The following SETBP1 variants were observed in gnomAD, a reference collection of about 807,000 sequenced individuals.
The protein encoded by SETBP1 is SET binding protein 1.
SETBP1 carries 9 observed loss-of-function variants against 101.0 expected under a neutral mutation model. That is an observed-to-expected ratio of 0.09 (90% CI 0.05 to 0.16). SETBP1 has a LOEUF of 0.16. Ranked by LOEUF, SETBP1 falls within the 10% of genes least tolerant of loss-of-function variation. The pLI is 1.00. For missense variants in SETBP1, 1,858 were observed against 2,033.8 expected (o/e 0.91, Z 1.66); for synonymous variants, 818 against 788.5 (o/e 1.04, Z -0.63).
chr18:44,841,449 C>G (rs941580790), intron 2 of SETBP1, among the ~76,000 whole-genome samples: 1 of 152,170 alleles, frequency 6.6e-6, no homozygotes, highest in Non-Finnish European at 1.5e-5. Flanking sequence ...AGACATGAGT[C>G]ACTAAAGCCA....
chr18:44,937,817 T>TGG (rs1267481667), intron 3 of SETBP1, among the ~76,000 whole-genome samples: 1 of 152,190 alleles, frequency 6.6e-6, no homozygotes, highest in Non-Finnish European at 1.5e-5. Flanking sequence ...TGAGCAGTGC[T>TGG]GGGTTCCAAT....
At chr18:44,924,560 G>A (rs1178643671) in intron 3 of SETBP1, among the ~76,000 whole-genome samples, 1 of 152,154 alleles carries the variant, frequency 6.6e-6, no homozygotes, top group African/African-American at 2.4e-5. Flanking sequence ...CAGAGGAACA[G>A]TGAATGCACT....
intron 2 of SETBP1, among the ~76,000 whole-genome samples, chr18:44,783,787 T>A (rs2071184621): frequency 6.6e-6 from 1 of 152,214 alleles, no homozygotes; most frequent in African/African-American, 2.4e-5. Flanking sequence ...TGTCCAAGAT[T>A]GAAAAACCTG....
intron 1 of SETBP1, among the ~76,000 whole-genome samples, chr18:44,690,015 C>T (rs1176926240): frequency 6.6e-6 from 1 of 152,198 alleles, no homozygotes; most frequent in Non-Finnish European, 1.5e-5. Flanking sequence ...ACAGCTGACT[C>T]TGCCTCCTGC....
chr18:44,826,743 G>A (rs1239405946), intron 2 of SETBP1, among the ~76,000 whole-genome samples: 1 of 152,182 alleles, frequency 6.6e-6, no homozygotes, highest in Non-Finnish European at 1.5e-5. Flanking sequence ...AATTGGGAGA[G>A]GGGAAGGAGC....
chr18:44,969,821 G>A (rs1313456680), intron 4 of SETBP1, among the ~76,000 whole-genome samples: 1 of 152,148 alleles, frequency 6.6e-6, no homozygotes, highest in African/African-American at 2.4e-5. Flanking sequence ...CTCCTCTTCT[G>A]TGTATAGCTG....
chr18:44,841,516 GA>G (rs1161465779), intron 2 of SETBP1, among the ~76,000 whole-genome samples: 1 of 152,182 alleles, frequency 6.6e-6, no homozygotes, highest in Non-Finnish European at 1.5e-5. Flanking sequence ...GAGTACCAAA[GA>G]ATTTGTGGAC....
chr18:44,927,363 A>G lies in SETBP1; in HGVS notation c.541-22518A>G, dbSNP rs989277385. Among the ~76,000 whole-genome samples, 5 of 152,148 alleles carry G rather than the reference A, an allele frequency of 3.3e-5. No individual in the cohort carries two copies. The East Asian group carries it at 9.6e-4, about 29-fold the overall frequency. On this transcript the variant is annotated intron_variant, in intron 3 of 5. Coordinates refer to ENST00000649279, the MANE Select transcript of SETBP1 (RefSeq NM_015559.3). ...GGCGCCAGTGCTCATCATTGAAAAT[A>G]TGTGATTCATCTTGTCCCCATGACT...
intron 2 of SETBP1, among the ~76,000 whole-genome samples, chr18:44,727,188 G>C (rs376711367): frequency 0.011 from 1,014 of 90,018 alleles, 9 homozygotes; most frequent in African/African-American, 0.033. Context: ...TTTGATCACT[G>C]TGTGTGTGTG....
upstream of SETBP1, chr18:44,680,860 G>C (rs999161950): frequency 9.6e-6 from 1 of 104,322 alleles, no homozygotes; most frequent in Non-Finnish European, 1.9e-5. Context: ...AAAGGGGTGG[G>C]AAGGCAGGAT....
chr18:44,785,371 C>G (rs2071218468), intron 2 of SETBP1, among the ~76,000 whole-genome samples: 1 of 152,182 alleles, frequency 6.6e-6, no homozygotes, highest in Admixed American at 6.5e-5. Flanking sequence ...CCTACTTTCT[C>G]TCAATTACCC....
At chr18:44,814,733 G>T (rs191828740) in intron 2 of SETBP1, among the ~76,000 whole-genome samples, 1 of 152,178 alleles carries the variant, frequency 6.6e-6, no homozygotes, top group Non-Finnish European at 1.5e-5. Flanking sequence ...CTCTGATGTC[G>T]GGCAGTGCAC....
chr18:44,776,780 A>C (rs1045054471), intron 2 of SETBP1, among the ~76,000 whole-genome samples: 1 of 149,260 alleles, frequency 6.7e-6, no homozygotes, highest in African/African-American at 2.6e-5. Flanking sequence ...TGGAGCACAC[A>C]TGTGTTCACA....
At chr18:44,713,222 G>C (rs1402510062) in intron 2 of SETBP1, among the ~76,000 whole-genome samples, 1 of 151,992 alleles carries the variant, frequency 6.6e-6, no homozygotes, top group African/African-American at 2.4e-5. Flanking sequence ...CTCCCAAAGT[G>C]CTGGGATTAC....
chr18:45,003,603 T>G lies in SETBP1; in HGVS notation c.4001-34882T>G, dbSNP rs190289998. Reference sequence around the variant, plus strand: ...AGCGAGTAGCCTGCCCATATCTCCATAGCCAAACCATCCTCATATGAGTCC... The same window carrying G: ...AGCGAGTAGCCTGCCCATATCTCCAGAGCCAAACCATCCTCATATGAGTCC... On this transcript the variant is annotated intron_variant, in intron 4 of 5. Coordinates refer to ENST00000649279, the MANE Select transcript of SETBP1 (RefSeq NM_015559.3). Among the ~76,000 whole-genome samples, 351 of 150,758 alleles carry G rather than the reference T, an allele frequency of 2.3e-3. 2 individuals carry two copies. The highest frequency in any genetic ancestry group is 8.0e-3 in the African/African-American group (328 of 40,978).
chr18:44,911,941 CCACA>C (rs5824564), intron 3 of SETBP1, among the ~76,000 whole-genome samples: 40 of 150,036 alleles, frequency 2.7e-4, no homozygotes, highest in Admixed American at 1.2e-3. Context: ...ATACACACAC[CCACA>C]CACACACACA....
chr18:44,876,639 G>T, intron 3 of SETBP1: 1 of 1,551,608 alleles, frequency 6.4e-7, no homozygotes, highest in Non-Finnish European at 8.7e-7. Context: ...AGCAATTCCT[G>T]TCCCAGGAAC....
intron 2 of SETBP1, among the ~76,000 whole-genome samples, chr18:44,798,181 T>C (rs2071523305): frequency 6.6e-6 from 1 of 152,186 alleles, no homozygotes; most frequent in Admixed American, 6.5e-5. Context: ...GGTGCAGGGA[T>C]GGACTGTTCC....
At chr18:44,969,560 T>G (rs2071796178) in intron 4 of SETBP1, among the ~76,000 whole-genome samples, 1 of 152,208 alleles carries the variant, frequency 6.6e-6, no homozygotes, top group Non-Finnish European at 1.5e-5. Context: ...ACCTTTCATG[T>G]TGATTCTGCT....
Sources: allele counts gnomAD v4.1 joint callset (sites outside exome capture counted in the v4.1 genomes callset), GRCh38; gene constraint gnomAD v4.1.1; transcripts MANE v1.5; gene names NCBI Gene and HGNC (gene_info 2026-07-23, HGNC 2026-07-21).